Variants in SLC6A16 observed in about 807,000 individuals in gnomAD.
SLC6A16 encodes solute carrier family 6 member 16, also known as orphan sodium- and chloride-dependent neurotransmitter transporter NTT5.
A neutral mutation model predicts 65.4 loss-of-function variants in SLC6A16; 54 were observed. The ratio of observed to expected loss-of-function variants is 0.83; its 90% CI spans 0.66 to 1.04. The LOEUF is 1.04. SLC6A16 is among the 50% of genes least tolerant of loss of function. SLC6A16 has a pLI of 0.00. For missense variants in SLC6A16, 816 were observed against 914.0 expected (o/e 0.89, Z 1.38); for synonymous variants, 330 against 346.5 (o/e 0.95, Z 0.53).
intron 7 of SLC6A16, among the ~76,000 whole-genome samples, chr19:49,297,284 A>G (rs1357053752): frequency 6.6e-6 from 1 of 152,230 alleles, no homozygotes; most frequent in Non-Finnish European, 1.5e-5. Context: ...GATACTTTAC[A>G]AGACAAGCTC....
intron 1 of SLC6A16, among the ~76,000 whole-genome samples, chr19:49,315,332 C>T (rs905329495): frequency 1.3e-5 from 2 of 152,176 alleles, no homozygotes; most frequent in African/African-American, 4.8e-5. Flanking sequence ...AGCTGTATGC[C>T]AGAGAATGCA....
At chr19:49,300,960 G>A (rs1396709209) in intron 7 of SLC6A16, among the ~76,000 whole-genome samples, 1 of 152,096 alleles carries the variant, frequency 6.6e-6, no homozygotes. Context: ...GCTGAGACAG[G>A]AGAATTGCTT....
At chr19:49,332,941 C>T in the SLC6A16 span, among the ~76,000 whole-genome samples, 1 of 152,194 alleles carries the variant, frequency 6.6e-6, no homozygotes. Flanking sequence ...GCAGTTGGAT[C>T]ACTTGAGGTC....
At chr19:49,303,474 T>C (rs1395852978) in intron 7 of SLC6A16, among the ~76,000 whole-genome samples, 1 of 151,948 alleles carries the variant, frequency 6.6e-6, no homozygotes, top group Non-Finnish European at 1.5e-5. Context: ...TAGGGTTTAG[T>C]AGAAACCCTG....
chr19:49,290,339 G>C lies in SLC6A16; in HGVS notation c.1995C>G (p.Thr665=). The change falls in exon 12 of 12, where the codon ACC becomes ACG. Residue 665 remains threonine (T), a synonymous_variant. Coordinates refer to ENST00000335875, the MANE Select transcript of SLC6A16 (RefSeq NM_014037.3). ...TGGGGAGGATGACAATGGCAAAAAG[G>C]GTGATCATCAAGAGCAGTGCCCACG... ...YPPWALLLMI[T]LFAIVILPIP... 6.2e-7 allele frequency: 1 copy of C among 1,614,052 alleles called. No homozygotes were observed. The highest frequency in any genetic ancestry group is 1.7e-5 in the Admixed American group (1 of 60,008).
intron 7 of SLC6A16, among the ~76,000 whole-genome samples, chr19:49,306,633 C>A (rs970451672): frequency 6.6e-6 from 1 of 151,016 alleles, no homozygotes; most frequent in Non-Finnish European, 1.5e-5. Context: ...GCCTCCACCT[C>A]CCAGGTTCAA....
At chr19:49,321,783 G>A (rs1970715236) in intron 1 of SLC6A16, among the ~76,000 whole-genome samples, 1 of 152,018 alleles carries the variant, frequency 6.6e-6, no homozygotes, top group East Asian at 1.9e-4. Context: ...TTACCTGGGT[G>A]TGTTGATGTA....
Position 49,321,081 on chromosome 19 carries a change from T to A in SLC6A16, c.-65+3967A>T, listed in dbSNP as rs556298553. Among the ~76,000 whole-genome samples, 7 of 152,194 alleles carry A rather than the reference T, an allele frequency of 4.6e-5. No homozygotes were observed. In the South Asian group the frequency reaches 1.4e-3, roughly 32 times the overall value. The stretch of plus-strand genomic sequence containing the variant: ...AAGAAAAGAACACTACAGACCTATA[T>A]TCATTATGAACTTTGATGCAAAAAT... On this transcript the variant is annotated intron_variant, in intron 1 of 11. Coordinates refer to ENST00000335875, the MANE Select transcript of SLC6A16 (RefSeq NM_014037.3).
chr19:49,298,982 C>T (rs1011625474), intron 7 of SLC6A16, among the ~76,000 whole-genome samples: 4 of 152,064 alleles, frequency 2.6e-5, no homozygotes, highest in African/African-American at 7.2e-5. Flanking sequence ...TGTGGTGGCT[C>T]ACACCTGTAA....
chr19:49,335,339 CAGAG>C, the SLC6A16 span: 22 of 597,724 alleles, frequency 3.7e-5, no homozygotes, highest in Admixed American at 6.0e-5. The surrounding 1 kb of genome is among the most constrained non-coding windows in gnomAD (Gnocchi z 4.6). Flanking sequence ...GAGACAGGGA[CAGAG>C]AGAGAGACAG....
chr19:49,294,293 A>T, intron 8 of SLC6A16, 74 bp downstream of exon 8: 1 of 1,455,840 alleles, frequency 6.9e-7, no homozygotes, highest in Non-Finnish European at 9.4e-7. Flanking sequence ...GCTGGTGCTA[A>T]TAAAAGCTAA....
At chr19:49,335,272 C>T in the SLC6A16 span, 1 of 501,110 alleles carries the variant, frequency 2.0e-6, no homozygotes, top group South Asian at 2.6e-5. The surrounding 1 kb of genome is among the most constrained non-coding windows in gnomAD (Gnocchi z 4.6). Context: ...CCTTGGTGCC[C>T]ACAAATTCCA....
rs1471899394 is a variant in SLC6A16, at chr19:49,293,377, C to T, written c.1624G>A (p.Val542Ile). The change falls in exon 10 of 12, where the codon GTC becomes ATC. Residue 542 changes from valine to isoleucine, a missense_variant. By Grantham distance (29) the Val-to-Ile change is conservative (BLOSUM62 3). Transcript: ENST00000335875. The part of the protein sequence containing the change: ...RKHTKLLIVG[V>I]FLLMFVCGLF... ...CCGCACACGAACATGAGCAAAAAGACTCCCACTGGAGAAAACATGAGATCT... is the reference window on the plus strand; with the variant it reads ...CCGCACACGAACATGAGCAAAAAGATTCCCACTGGAGAAAACATGAGATCT... 3 of 1,614,094 alleles carry T rather than the reference C, an allele frequency of 1.9e-6. No individual in the cohort carries two copies. In the South Asian group the frequency reaches 3.3e-5, roughly 18 times the overall value.
the SLC6A16 span, chr19:49,335,512 G>A: frequency 8.3e-6 from 13 of 1,557,526 alleles, no homozygotes; most frequent in African/African-American, 1.5e-4. The surrounding 1 kb of genome is among the most constrained non-coding windows in gnomAD (Gnocchi z 4.6). Context: ...TCTGTGTGGT[G>A]AGTGGACCGC....
the SLC6A16 span, chr19:49,337,600 C>A: frequency 6.1e-3 from 8,777 of 1,434,712 alleles, 41 homozygotes; most frequent in Non-Finnish European, 7.5e-3. Flanking sequence ...CAGAGTGAGA[C>A]CCTGTCTCAA....
At chr19:49,295,008 G>A (rs1367836810) in intron 7 of SLC6A16, among the ~76,000 whole-genome samples, 1 of 151,978 alleles carries the variant, frequency 6.6e-6, no homozygotes. Context: ...TGACCATTTT[G>A]GCCTCATATG....
chr19:49,325,868 A>G (rs1365702929), upstream of SLC6A16, among the ~76,000 whole-genome samples: 1 of 152,164 alleles, frequency 6.6e-6, no homozygotes, highest in Non-Finnish European at 1.5e-5. Flanking sequence ...TTTCTACTCC[A>G]AAAGAAATTT....
chr19:49,305,656 C>T (rs1042581139), intron 7 of SLC6A16: 2 of 151,840 alleles, frequency 1.3e-5, no homozygotes, highest in Non-Finnish European at 2.9e-5. Flanking sequence ...GGGCTCAGCC[C>T]CCAGCCAACC....
the SLC6A16 span, chr19:49,335,520 C>T: frequency 8.1e-6 from 13 of 1,596,644 alleles, no homozygotes; most frequent in Admixed American, 3.3e-5. This position sits in a 1 kb window ranked among gnomAD's most constrained non-coding sequence, Gnocchi z 4.6. Context: ...GTGAGTGGAC[C>T]GCTTACCCCA....
Sources: allele counts gnomAD v4.1 joint callset (sites outside exome capture counted in the v4.1 genomes callset), GRCh38; gene constraint gnomAD v4.1.1; non-coding constraint Gnocchi (gnomAD v3.1); transcripts MANE v1.5; gene names NCBI Gene and HGNC (gene_info 2026-07-23, HGNC 2026-07-21).